CALN1: variants seen among roughly 807,000 people sequenced by gnomAD.
CALN1 encodes calneuron 1.
In CALN1, 17 loss-of-function variants were observed where a neutral mutation model predicts 30.6. The ratio of observed to expected loss-of-function variants is 0.56; its 90% CI spans 0.38 to 0.83. The LOEUF is 0.83. Among genes scored for constraint, CALN1 ranks in the 40% least tolerant of loss-of-function variants. The pLI is 0.00. For missense variants in CALN1, 291 were observed against 354.9 expected, an observed-to-expected ratio of 0.82 and a Z score of 1.45; for synonymous variants, 156 against 131.4, an observed-to-expected ratio of 1.19 and a Z score of -1.28.
At chr7:72,385,598 T>C (rs1259748066) in intron 2 of CALN1, among the ~76,000 whole-genome samples, 1 of 152,190 alleles carries the variant, frequency 6.6e-6, no homozygotes, top group Non-Finnish European at 1.5e-5. Flanking sequence ...CATATTGATA[T>C]GGTTTGGCTC....
intron 5 of CALN1, among the ~76,000 whole-genome samples, chr7:71,967,779 A>C (rs184939920): frequency 1.5e-3 from 225 of 152,300 alleles, no homozygotes; most frequent in Admixed American, 5.8e-3. Flanking sequence ...TAAAGAATTT[A>C]CTAAAGTAAA....
intron 4 of CALN1, among the ~76,000 whole-genome samples, chr7:72,074,647 A>T (rs2129538285): frequency 6.6e-6 from 1 of 152,236 alleles, no homozygotes; most frequent in East Asian, 1.9e-4. Context: ...ACCTCAGATG[A>T]TCCGCCCACC....
intron 3 of CALN1, among the ~76,000 whole-genome samples, chr7:72,117,971 A>T (rs865986302): frequency 2.2e-5 from 3 of 138,910 alleles, no homozygotes; most frequent in African/African-American, 8.4e-5. Context: ...AAAAAAAAAG[A>T]AAAAAAAAAA....
At chr7:72,483,584 C>CACAATACAATAAGATTTAGTTGTA in the CALN1 span, among the ~76,000 whole-genome samples, 1 of 151,990 alleles carries the variant, frequency 6.6e-6, no homozygotes, top group African/African-American at 2.4e-5. Flanking sequence ...CACACCAAGC[C>CACAATACAATAAGATTTAGTTGTA]CTCCCCTGAT....
At chr7:71,803,243 C>T (rs758170702) in intron 6 of CALN1, among the ~76,000 whole-genome samples, 32 of 152,022 alleles carry the variant, frequency 2.1e-4, no homozygotes, top group Non-Finnish European at 3.2e-4. Context: ...GCACCCAGAA[C>T]CGCGGGTGGA....
At chr7:72,201,204 T>A (rs1417187147) in intron 3 of CALN1, among the ~76,000 whole-genome samples, 2 of 152,178 alleles carry the variant, frequency 1.3e-5, no homozygotes, top group Non-Finnish European at 2.9e-5. Flanking sequence ...ATATTCTCAC[T>A]TATAAGTAAG....
intron 5 of CALN1, among the ~76,000 whole-genome samples, chr7:71,979,212 C>T (rs1798260800): frequency 6.6e-6 from 1 of 152,104 alleles, no homozygotes; most frequent in East Asian, 1.9e-4. Context: ...GACAATTTTT[C>T]CTAGGACTGG....
chr7:72,499,816 TC>T, the CALN1 span, among the ~76,000 whole-genome samples: 9 of 63,372 alleles, frequency 1.4e-4, no homozygotes, highest in African/African-American at 5.2e-4. Flanking sequence ...CTTCCTTCCT[TC>T]CTTCCTTCCT....
chr7:71,938,324 G>A (rs778702277), intron 5 of CALN1, among the ~76,000 whole-genome samples: 14 of 152,136 alleles, frequency 9.2e-5, no homozygotes, highest in Non-Finnish European at 1.9e-4. Flanking sequence ...CTGGAACACA[G>A]AAGGTGCTCA....
intron 5 of CALN1, among the ~76,000 whole-genome samples, chr7:71,977,694 G>A (rs1798166722): frequency 6.6e-6 from 1 of 152,074 alleles, no homozygotes; most frequent in South Asian, 2.1e-4. Context: ...CACTTTGAGA[G>A]ACTGAGGCCA....
intron 3 of CALN1, among the ~76,000 whole-genome samples, chr7:72,151,708 TTTG>T (rs1045335249): frequency 4.6e-5 from 7 of 151,662 alleles, no homozygotes; most frequent in Admixed American, 3.3e-4. Flanking sequence ...AGATATCGTT[TTTG>T]TTGTTGTTGT....
At chr7:72,439,417 T>C (rs1041511235) in intron 1 of CALN1, among the ~76,000 whole-genome samples, 6 of 152,150 alleles carry the variant, frequency 3.9e-5, no homozygotes, top group African/African-American at 1.4e-4. Flanking sequence ...AACAGTTGAT[T>C]AACACATATG....
intron 3 of CALN1, among the ~76,000 whole-genome samples, chr7:72,229,510 T>C (rs919852212): frequency 2.6e-5 from 4 of 152,044 alleles, no homozygotes; most frequent in South Asian, 2.1e-4. Context: ...CTATTTACAA[T>C]GGGAAAGACT....
At chr7:71,821,942 ATTT>A (rs1000022560) in intron 5 of CALN1, among the ~76,000 whole-genome samples, 1 of 150,986 alleles carries the variant, frequency 6.6e-6, no homozygotes, top group Admixed American at 6.6e-5. Flanking sequence ...TAATTTTTGC[ATTT>A]TTTGTAGAGA....
At chr7:72,148,091 T>TAAA (rs1042994402) in intron 3 of CALN1, among the ~76,000 whole-genome samples, 1 of 58,766 alleles carries the variant, frequency 1.7e-5, no homozygotes, top group Admixed American at 1.9e-4. Flanking sequence ...TAAAGTATAA[T>TAAA]AAAAAAAAAT....
At chr7:71,912,513 C>T (rs969749272) in intron 5 of CALN1, among the ~76,000 whole-genome samples, 2 of 152,102 alleles carry the variant, frequency 1.3e-5, no homozygotes, top group Non-Finnish European at 2.9e-5. Flanking sequence ...TGTTTAGTAC[C>T]AGAAATGTGG....
chr7:71,809,713 G>C (rs758632494), intron 6 of CALN1, among the ~76,000 whole-genome samples: 1 of 151,522 alleles, frequency 6.6e-6, no homozygotes, highest in Non-Finnish European at 1.5e-5. Context: ...CTTTAAATTT[G>C]CTTTCATGAA....
At chr7:72,369,740 T>C (rs992340095) in intron 2 of CALN1, among the ~76,000 whole-genome samples, 2 of 152,212 alleles carry the variant, frequency 1.3e-5, no homozygotes, top group African/African-American at 4.8e-5. Flanking sequence ...CTGTCCTATA[T>C]GTACTTTTGT....
intron 4 of CALN1, among the ~76,000 whole-genome samples, chr7:72,050,320 G>C (rs1802755474): frequency 6.6e-6 from 1 of 152,070 alleles, no homozygotes; most frequent in South Asian, 2.1e-4. Context: ...GCAATTACTA[G>C]ATTATTAACC....
Sources: gnomAD v4.1 joint callset for allele counts (sites outside exome capture counted in the v4.1 genomes callset) on GRCh38, gnomAD v4.1.1 for gene constraint, MANE v1.5 for transcripts, NCBI Gene and HGNC (gene_info 2026-07-23, HGNC 2026-07-21) for gene names.